Variants in HS3ST4 observed in about 807,000 individuals in gnomAD.
The protein encoded by HS3ST4 is heparan sulfate-glucosamine 3-sulfotransferase 4, also known as heparan sulfate glucosamine 3-O-sulfotransferase 4.
In HS3ST4, 17 loss-of-function variants were observed where a neutral mutation model predicts 29.2. The observed-to-expected ratio is 0.58, with a 90% CI of 0.40 to 0.87. The LOEUF (loss-of-function observed/expected upper bound fraction) is 0.87. Among genes scored for constraint, HS3ST4 ranks in the 40% least tolerant of loss-of-function variants. The pLI, the probability that HS3ST4 is intolerant of heterozygous loss-of-function variation, is 0.00. For synonymous variants in HS3ST4, 314 were observed against 285.7 expected, an observed-to-expected ratio of 1.10 and a Z score of -1.00; for missense variants, 627 against 634.5, an observed-to-expected ratio of 0.99 and a Z score of 0.13.
At chr16:26,044,414 A>G (rs1331459122) in intron 1 of HS3ST4, among the ~76,000 whole-genome samples, 1 of 152,108 alleles carries the variant, frequency 6.6e-6, no homozygotes, top group East Asian at 1.9e-4. Flanking sequence ...TATGTGATGG[A>G]GCCTTTACAA....
intron 1 of HS3ST4, among the ~76,000 whole-genome samples, chr16:25,939,186 C>T (rs1468580400): frequency 1.3e-5 from 2 of 152,030 alleles, no homozygotes; most frequent in Non-Finnish European, 2.9e-5. Flanking sequence ...ACTGCATGGA[C>T]TATTTGTTGC....
chr16:26,052,091 T>C (rs185011849), intron 1 of HS3ST4, among the ~76,000 whole-genome samples: 1 of 152,192 alleles, frequency 6.6e-6, no homozygotes, highest in East Asian at 1.9e-4. Context: ...CTACATTGAC[T>C]ATAGATCATA....
At chr16:25,852,422 G>A (rs1310565959) in intron 1 of HS3ST4, among the ~76,000 whole-genome samples, 1 of 152,068 alleles carries the variant, frequency 6.6e-6, no homozygotes, top group Non-Finnish European at 1.5e-5. Flanking sequence ...ATTAAGTCCA[G>A]CATGTACCTG....
intron 1 of HS3ST4, among the ~76,000 whole-genome samples, chr16:25,866,585 C>T (rs1967696897): frequency 6.6e-6 from 1 of 152,122 alleles, no homozygotes. Flanking sequence ...TGTTCTCACT[C>T]ATAAGTGGGA....
chr16:25,695,099 A>C (rs1966285185), intron 1 of HS3ST4, among the ~76,000 whole-genome samples: 1 of 152,200 alleles, frequency 6.6e-6, no homozygotes, highest in South Asian at 2.1e-4. Context: ...TGATTATGTT[A>C]TTCCAGCGCT....
At chr16:25,701,801 C>T (rs187570319) in intron 1 of HS3ST4, among the ~76,000 whole-genome samples, 119 of 152,288 alleles carry the variant, frequency 7.8e-4, no homozygotes, top group African/African-American at 2.8e-3. Flanking sequence ...TAAATGATCA[C>T]ATTGAAAGGT....
In HS3ST4 at chr16:26,025,319, T is replaced by C. The variant is rs372571120; in HGVS notation, c.735-110293T>C. On this transcript the variant is annotated intron_variant, in intron 1 of 1. Transcript: ENST00000331351. ...TTACTTTTGCACCAATCTAATAGGT[T>C]GATTGCCAAGTCTCCTTGCACTTTC... 1.3e-4 allele frequency: 20 copies of C among 154,540 alleles called. No homozygotes were observed. In the South Asian group the frequency reaches 3.7e-3, roughly 28 times the overall value. 9.6% of individuals were successfully genotyped at this position (154,540 alleles called of 1,614,324 possible). A position where few individuals can be genotyped will look rare whatever the true frequency, so the allele number is the denominator to read the frequency against.
At chr16:25,725,178 G>T (rs1014981560) in intron 1 of HS3ST4, among the ~76,000 whole-genome samples, 7 of 151,798 alleles carry the variant, frequency 4.6e-5, no homozygotes, top group Non-Finnish European at 8.8e-5. Flanking sequence ...AAATGCATGG[G>T]CATGCAGCAT....
chr16:25,833,669 T>A (rs11648076), intron 1 of HS3ST4, among the ~76,000 whole-genome samples: 1 of 152,148 alleles, frequency 6.6e-6, no homozygotes, highest in African/African-American at 2.4e-5. Context: ...TGGTAGAAAC[T>A]GATAGATGTA....
intron 1 of HS3ST4, among the ~76,000 whole-genome samples, chr16:25,696,164 C>G (rs1464104185): frequency 2.0e-5 from 3 of 152,336 alleles, no homozygotes; most frequent in East Asian, 3.9e-4. Flanking sequence ...GCGAGCCTCA[C>G]TTGGTGGATT....
chr16:26,092,524 A>G (rs1898869631), intron 1 of HS3ST4, among the ~76,000 whole-genome samples: 1 of 152,132 alleles, frequency 6.6e-6, no homozygotes, highest in East Asian at 1.9e-4. Flanking sequence ...GATCTTTAAG[A>G]TATGACATGA....
intron 1 of HS3ST4, among the ~76,000 whole-genome samples, chr16:26,002,123 G>T (rs1002393227): frequency 1.3e-5 from 2 of 152,142 alleles, no homozygotes; most frequent in African/African-American, 2.4e-5. Flanking sequence ...TGAATTGTTT[G>T]GCCATTGATG....
At chr16:25,943,483 G>A (rs184366762) in intron 1 of HS3ST4, among the ~76,000 whole-genome samples, 1 of 152,260 alleles carries the variant, frequency 6.6e-6, no homozygotes, top group African/African-American at 2.4e-5. Context: ...ATGACATTTT[G>A]GGGCTATTGA....
intron 1 of HS3ST4, among the ~76,000 whole-genome samples, chr16:25,904,819 TGTAGG>T (rs1968164109): frequency 6.6e-6 from 1 of 152,188 alleles, no homozygotes. Flanking sequence ...AGTATTTAAC[TGTAGG>T]GTTGTTTTAA....
chr16:25,718,709 G>A (rs1403307246), intron 1 of HS3ST4, among the ~76,000 whole-genome samples: 1 of 152,112 alleles, frequency 6.6e-6, no homozygotes, highest in Non-Finnish European at 1.5e-5. Context: ...AGGTGATTTT[G>A]AGACATCTAT....
intron 1 of HS3ST4, among the ~76,000 whole-genome samples, chr16:26,051,883 TCCCTCC>T (rs1567302183): frequency 1.7e-4 from 12 of 70,648 alleles, no homozygotes; most frequent in African/African-American, 8.9e-4. Context: ...CCTCCCTGCC[TCCCTCC>T]CTCCCTCCCT....
intron 1 of HS3ST4, among the ~76,000 whole-genome samples, chr16:25,864,239 C>T (rs6650566): frequency 0.17 from 25,845 of 152,168 alleles, 2,363 homozygotes; most frequent in East Asian, 0.26. Context: ...TCTTGATATG[C>T]GTATGCAATG....
intron 1 of HS3ST4, among the ~76,000 whole-genome samples, chr16:25,755,366 C>T (rs1267474126): frequency 4.6e-5 from 7 of 152,236 alleles, no homozygotes; most frequent in South Asian, 4.1e-4. Flanking sequence ...GGTGACATTC[C>T]GGGCATGCTT....
chr16:25,840,047 G>A (rs1448879657), intron 1 of HS3ST4, among the ~76,000 whole-genome samples: 2 of 152,158 alleles, frequency 1.3e-5, no homozygotes, highest in Non-Finnish European at 2.9e-5. Flanking sequence ...ACCTTCCATG[G>A]CCTGTCAATC....
Sources: gnomAD v4.1 joint callset for allele counts (sites outside exome capture counted in the v4.1 genomes callset) on GRCh38, gnomAD v4.1.1 for gene constraint, MANE v1.5 for transcripts, NCBI Gene and HGNC (gene_info 2026-07-23, HGNC 2026-07-21) for gene names.